ADAM12: variants seen among roughly 807,000 people sequenced by gnomAD.
ADAM12 encodes ADAM metallopeptidase domain 12.
A neutral mutation model predicts 106.4 loss-of-function variants in ADAM12; 70 were observed. The ratio of observed to expected loss-of-function variants is 0.66; its 90% confidence interval spans 0.54 to 0.80. The LOEUF is 0.80. ADAM12 is among the 30% of genes least tolerant of loss of function. The pLI, the probability that ADAM12 is intolerant of heterozygous loss-of-function variation, is 0.00. For missense variants in ADAM12, 1,010 were observed against 1,171.9 expected (o/e 0.86, Z 2.02); for synonymous variants, 420 against 433.5 (o/e 0.97, Z 0.39).
intron 3 of ADAM12, among the ~76,000 whole-genome samples, chr10:126,261,877 A>G (rs1181452908): frequency 6.7e-6 from 1 of 148,680 alleles, no homozygotes; most frequent in African/African-American, 2.5e-5. Context: ...ATCTCCGCTC[A>G]CTGCAAGCTC....
At chr10:126,221,596 A>G (rs1958095982) in intron 3 of ADAM12, among the ~76,000 whole-genome samples, 1 of 152,102 alleles carries the variant, frequency 6.6e-6, no homozygotes, top group Non-Finnish European at 1.5e-5. Context: ...ATGCTTAAAA[A>G]TCTCTTCACC....
chr10:126,194,964 G>T (rs935761549), intron 3 of ADAM12, among the ~76,000 whole-genome samples: 1 of 152,098 alleles, frequency 6.6e-6, no homozygotes, highest in Non-Finnish European at 1.5e-5. Flanking sequence ...TGATAGTCTT[G>T]TTACTTTAAG....
At chr10:126,186,322 A>T (rs11244873) in intron 3 of ADAM12, among the ~76,000 whole-genome samples, 7,310 of 152,254 alleles carry the variant, frequency 0.048, 286 homozygotes, top group African/African-American at 0.093. Flanking sequence ...GTGAGAGTCT[A>T]TTGCCGGAGA....
At chr10:126,187,321 T>C (rs1471770395) in intron 3 of ADAM12, among the ~76,000 whole-genome samples, 1 of 122,534 alleles carries the variant, frequency 8.2e-6, no homozygotes, top group Non-Finnish European at 1.5e-5. Flanking sequence ...GTGAAGGAAA[T>C]GAAATAAAAA....
chr10:126,387,464 T>C (rs1405726879), intron 1 of ADAM12, among the ~76,000 whole-genome samples: 1 of 151,806 alleles, frequency 6.6e-6, no homozygotes, highest in Non-Finnish European at 1.5e-5. Flanking sequence ...GGGAGTGACC[T>C]GGAAGCCAGG....
Position 126,262,549 on chromosome 10 carries a change from G to T in ADAM12, c.260+16366C>A, listed in dbSNP as rs187161261. 4.7e-4 allele frequency among the ~76,000 whole-genome samples: 72 copies of T among 152,228 alleles called. 1 individual carries two copies. The highest frequency in any genetic ancestry group is 3.4e-3 in the Middle Eastern group (1 of 294). Reference sequence around the variant, plus strand: ...CTTTTTGGACAAAAATATTTGCCAGGTTTTGCTACCAAAAAATAATGTTTT... The same window carrying T: ...CTTTTTGGACAAAAATATTTGCCAGTTTTTGCTACCAAAAAATAATGTTTT... On this transcript the variant is annotated intron_variant, in intron 3 of 22. Transcript: ENST00000448723.
At chr10:126,376,404 T>C (rs1856294192) in intron 1 of ADAM12, among the ~76,000 whole-genome samples, 1 of 152,196 alleles carries the variant, frequency 6.6e-6, no homozygotes, top group South Asian at 2.1e-4. Flanking sequence ...AACTGGCACT[T>C]GTTGAAACTG....
intron 3 of ADAM12, among the ~76,000 whole-genome samples, chr10:126,177,833 C>T (rs919697264): frequency 6.6e-6 from 1 of 152,170 alleles, no homozygotes; most frequent in African/African-American, 2.4e-5. Flanking sequence ...AGTCCTTCTT[C>T]ACTATCAGGC....
At chr10:126,135,419 A>T (rs1956386476) in intron 5 of ADAM12, 165 bp downstream of exon 5, 1 of 645,640 alleles carries the variant, frequency 1.5e-6, no homozygotes, top group African/African-American at 1.8e-5. Context: ...ATGCTCTTGT[A>T]AGCAGTGGAG....
At chr10:126,313,829 C>T (rs993260026) in intron 2 of ADAM12, among the ~76,000 whole-genome samples, 1 of 151,956 alleles carries the variant, frequency 6.6e-6, no homozygotes, top group African/African-American at 2.4e-5. Context: ...TAAACGAGGA[C>T]ATAAACAGAT....
chr10:126,147,102 C>T (rs372688997), intron 4 of ADAM12, among the ~76,000 whole-genome samples: 4 of 152,188 alleles, frequency 2.6e-5, no homozygotes, highest in African/African-American at 7.2e-5. Context: ...AGATTCTATC[C>T]TTACCTGATG....
chr10:126,192,008 T>G (rs191513643), intron 3 of ADAM12, among the ~76,000 whole-genome samples: 1 of 152,222 alleles, frequency 6.6e-6, no homozygotes, highest in Admixed American at 6.5e-5. Context: ...AAACCTGATC[T>G]GGTGAGCACT....
At chr10:126,148,782 G>C (rs1307869268) in intron 4 of ADAM12, among the ~76,000 whole-genome samples, 4 of 152,192 alleles carry the variant, frequency 2.6e-5, no homozygotes, top group African/African-American at 9.6e-5. Flanking sequence ...GAGGATACTA[G>C]TTTAGGCCTA....
chr10:126,269,712 G>C (rs1045576016), intron 3 of ADAM12, among the ~76,000 whole-genome samples: 2 of 152,180 alleles, frequency 1.3e-5, no homozygotes, highest in Non-Finnish European at 2.9e-5. Context: ...ATTTTCGTCA[G>C]AAAACCCTGA....
chr10:126,100,132 C>G (rs1955633409), intron 9 of ADAM12, among the ~76,000 whole-genome samples: 2 of 152,074 alleles, frequency 1.3e-5, no homozygotes, highest in African/African-American at 4.8e-5. Context: ...CTTCTGAGAG[C>G]AGGGAGATTT....
In ADAM12 at chr10:126,049,343, C is replaced by T. The variant is rs1213022367; in HGVS notation, c.1827G>A (p.Arg609=). 4 of 1,614,224 alleles carry T rather than the reference C, an allele frequency of 2.5e-6. No individual in the cohort carries two copies. Among genetic ancestry groups the T allele is most frequent in the East Asian group, 4.5e-5 (2 of 44,882 alleles). Residue 609 remains arginine, a synonymous_variant, in exon 16 of 23, where the codon CGG becomes CGA. Coordinates refer to ENST00000448723, the MANE Select transcript of ADAM12 (RefSeq NM_001288973.2). This position sits in a 1 kb window ranked among gnomAD's most constrained non-coding sequence, Gnocchi z 4.4. ...ETNIPLQQGG[R]ILCRGTHVYL... is the part of the protein sequence containing the mutation. ...ACACGTGGGTCCCCCGGCACAGAAT[C>T]CGGCCTCCTTGCTGCAGGGGGATGT... is the stretch of plus-strand genomic sequence containing the variant.
intron 3 of ADAM12, among the ~76,000 whole-genome samples, chr10:126,185,482 GTTT>G (rs5788774): frequency 2.0e-5 from 3 of 148,364 alleles, no homozygotes; most frequent in Non-Finnish European, 4.5e-5. Flanking sequence ...GTTAACATCT[GTTT>G]TTTTTTTTGG....
rs551976283 is a variant in ADAM12, at chr10:126,289,397, G to A, written c.187-10409C>T. On this transcript the variant is annotated intron_variant, in intron 2 of 22. Transcript: ENST00000448723. The stretch of plus-strand genomic sequence containing the variant: ...AGCCACGTACCACCTGGGCTCATAA[G>A]GACCACTGGTAGCCCCAGTGCCATG... Among the ~76,000 whole-genome samples, 5 of 152,348 alleles carry A rather than the reference G, an allele frequency of 3.3e-5. No homozygotes were observed. In the South Asian group the frequency reaches 1.0e-3, roughly 32 times the overall value.
chr10:126,241,164 AT>A (rs1958515797), intron 3 of ADAM12, among the ~76,000 whole-genome samples: 2 of 152,220 alleles, frequency 1.3e-5, no homozygotes, highest in Non-Finnish European at 2.9e-5. Flanking sequence ...GATGTCTAAA[AT>A]AGGCCAATCC....
Sources: allele counts gnomAD v4.1 joint callset (sites outside exome capture counted in the v4.1 genomes callset), GRCh38; gene constraint gnomAD v4.1.1; non-coding constraint Gnocchi (gnomAD v3.1); transcripts MANE v1.5; gene names NCBI Gene and HGNC (gene_info 2026-07-23, HGNC 2026-07-21).